KHDRBS1: variants seen among roughly 807,000 people sequenced by gnomAD.
KHDRBS1 encodes the protein KH RNA binding domain containing, signal transduction associated 1.
Under a neutral mutation model 48.4 loss-of-function variants are expected in KHDRBS1, and 7 were observed. That is an observed-to-expected ratio of 0.14 (90% CI 0.08 to 0.27). KHDRBS1 has a LOEUF of 0.27. Among genes scored for constraint, KHDRBS1 ranks in the 10% least tolerant of loss-of-function variants. KHDRBS1 has a pLI of 1.00. For missense variants in KHDRBS1, 458 were observed against 601.2 expected (o/e 0.76, Z 2.49); for synonymous variants, 241 against 235.8 (o/e 1.02, Z -0.20).
At chr1:32,038,521 T>C (rs764336429) in intron 6 of KHDRBS1, 31 bp from the exon 7 acceptor site, 4 of 1,607,898 alleles carry the variant, frequency 2.5e-6, no homozygotes, top group Non-Finnish European at 3.4e-6. Flanking sequence ...TTTTGATCTT[T>C]TATTTCATTT....
intron 1 of KHDRBS1, among the ~76,000 whole-genome samples, chr1:32,028,473 T>TACACGTATATATATATACTATATATAC (rs1553222639): frequency 6.7e-6 from 1 of 148,838 alleles, no homozygotes; most frequent in Non-Finnish European, 1.5e-5. Flanking sequence ...TATATATATA[T>TACACGTATATATATATACTATATATAC]ACACGTATAT....
intron 1 of KHDRBS1, among the ~76,000 whole-genome samples, chr1:32,023,347 G>T (rs555210829): frequency 6.6e-6 from 1 of 152,258 alleles, no homozygotes; most frequent in South Asian, 2.1e-4. Context: ...TTAGTTTTGA[G>T]ATCTTGGACA....
At chr1:32,015,053 GAAGT>G (rs1638709510) in intron 1 of KHDRBS1, among the ~76,000 whole-genome samples, 1 of 152,154 alleles carries the variant, frequency 6.6e-6, no homozygotes, top group Non-Finnish European at 1.5e-5. Flanking sequence ...TTGAAGGAGT[GAAGT>G]AACCCTAGAG....
At chr1:32,029,592 G>GGC (rs754558167) in intron 1 of KHDRBS1, among the ~76,000 whole-genome samples, 8 of 152,278 alleles carry the variant, frequency 5.3e-5, no homozygotes, top group Non-Finnish European at 1.0e-4. Flanking sequence ...AGGAGGCAGA[G>GGC]GTTGCAGTGA....
In KHDRBS1 at chr1:32,031,536, G is replaced by T; in HGVS notation, c.520G>T (p.Gly174Trp). Residue 174 changes from glycine (G) to tryptophan (W), a missense_variant, in exon 3 of 9, where the codon GGG (glycine) becomes TGG (tryptophan). By Grantham distance (184) the Gly-to-Trp change is radical. Around this residue, in one of 3 missense-constraint regions of KHDRBS1, gnomAD observed 74 missense variants for 156.9 expected, o/e 0.47. Transcript: ENST00000327300. ...TATTTTCTGTCAGTTCAATTTTGTG[G>T]GGAAGATTCTTGGACCACAAGGGAA... is the stretch of plus-strand genomic sequence containing the variant. ...VKQYPKFNFV[G>W]KILGPQGNTI... 2 of 1,594,758 alleles carry T rather than the reference G, an allele frequency of 1.3e-6. No individual in the cohort carries two copies. The highest frequency in any genetic ancestry group is 2.3e-5 in the South Asian group (2 of 87,848).
downstream of KHDRBS1, among the ~76,000 whole-genome samples, chr1:32,044,378 A>G (rs1639333187): frequency 1.3e-5 from 2 of 152,220 alleles, no homozygotes; most frequent in Admixed American, 6.5e-5. Flanking sequence ...AGAAATGCTG[A>G]TAACTCAGCT....
At chr1:32,023,859 T>C (rs1446143351) in intron 1 of KHDRBS1, among the ~76,000 whole-genome samples, 1 of 152,186 alleles carries the variant, frequency 6.6e-6, no homozygotes, top group African/African-American at 2.4e-5. Flanking sequence ...GGGTATAAAT[T>C]GTACTTAAAA....
In KHDRBS1 at chr1:32,014,127, C is replaced by G; in HGVS notation, c.132C>G (p.Ser44=). The change falls in exon 1 of 9, where the codon TCC becomes TCG. Residue 44 remains serine (S), a synonymous_variant. Transcript: ENST00000327300. Reference sequence around the variant, plus strand: ...GGCAGCCGCCGCTGCCTCACCGGTCCCGGGGAGGCGGAGGGGGATCCCGCG... The same window carrying G: ...GGCAGCCGCCGCTGCCTCACCGGTCGCGGGGAGGCGGAGGGGGATCCCGCG... ...PSRQPPLPHR[S]RGGGGGSRGG... is the part of the protein sequence containing the mutation. 7.3e-7 allele frequency: 1 copy of G among 1,371,534 alleles called. No homozygotes were observed. Among genetic ancestry groups the G allele is most frequent in the South Asian group, 1.7e-5 (1 of 58,462 alleles). The allele number at this position is 1,371,534 out of a possible 1,614,324, so 85.0% of individuals were successfully genotyped here.
chr1:32,053,066 T>C (rs1177378778), intron 10 of KHDRBS1, among the ~76,000 whole-genome samples: 2 of 152,086 alleles, frequency 1.3e-5, no homozygotes, highest in African/African-American at 4.8e-5. Context: ...GTCAGGAAGA[T>C]CTCTTGAGCC....
downstream of KHDRBS1, among the ~76,000 whole-genome samples, chr1:32,046,515 G>A (rs1457164978): frequency 6.6e-6 from 1 of 152,068 alleles, no homozygotes; most frequent in African/African-American, 2.4e-5. Context: ...ACACCCGGCT[G>A]GGAAAGGATA....
At chr1:32,041,131 C>T (rs1426630760) in intron 8 of KHDRBS1, among the ~76,000 whole-genome samples, 2 of 152,128 alleles carry the variant, frequency 1.3e-5, no homozygotes, top group Admixed American at 6.5e-5. Flanking sequence ...ACAGTTAATC[C>T]GTTCTGATCT....
intron 4 of KHDRBS1, among the ~76,000 whole-genome samples, chr1:32,033,905 A>C (rs140192472): frequency 1.3e-5 from 2 of 152,260 alleles, no homozygotes; most frequent in African/African-American, 4.8e-5. Flanking sequence ...CTTTTTTCAG[A>C]CTATTACTGA....
intron 10 of KHDRBS1, among the ~76,000 whole-genome samples, chr1:32,057,485 CTTTTTTTTTT>C (rs931055192): frequency 1.5e-5 from 2 of 132,538 alleles, no homozygotes; most frequent in Non-Finnish European, 3.3e-5. Context: ...TTCTTCTTTT[CTTTTTTTTTT>C]TTTTTTTTAA....
chr1:32,014,013 C>T lies in KHDRBS1; in HGVS notation c.18C>T (p.Asp6=). MQRRD[D]PAARMSRSSG... The stretch of plus-strand genomic sequence containing the variant: ...CCTCCCAGATGCAGCGCCGGGACGA[C>T]CCCGCCGCGCGCATGAGCCGGTCTT... The change falls in exon 1 of 9, where the codon GAC becomes GAT. Residue 6 remains aspartate, a synonymous_variant. Coordinates refer to ENST00000327300, the MANE Select transcript of KHDRBS1 (RefSeq NM_006559.3). The T allele has an allele frequency of 2.6e-6, 4 of 1,525,608 alleles. No homozygotes were observed. The highest frequency in any genetic ancestry group is 2.4e-5 in the South Asian group (2 of 83,108). 94.5% of individuals were successfully genotyped at this position (1,525,608 alleles called of 1,614,324 possible). A position where few individuals can be genotyped will look rare whatever the true frequency, so the allele number is the denominator to read the frequency against.
chr1:32,037,032 A>C lies in KHDRBS1; in HGVS notation c.894A>C (p.Pro298=). ...VRGRGAAPPP[P]PVPRGRGVGP... is the part of the protein sequence containing the mutation. ...GCCGGGGAGCTGCACCTCCTCCACCACCTGTTCCCAGGTAAAAATAATGGA... is the reference window on the plus strand; with the variant it reads ...GCCGGGGAGCTGCACCTCCTCCACCCCCTGTTCCCAGGTAAAAATAATGGA... Residue 298 remains proline, a synonymous_variant, in exon 5 of 9, where the codon CCA becomes CCC. Transcript: ENST00000327300. The C allele has an allele frequency of 6.2e-7, 1 of 1,613,508 alleles. No homozygotes were observed. The highest frequency in any genetic ancestry group is 8.5e-7 in the Non-Finnish European group (1 of 1,179,782).
chr1:32,021,808 G>A (rs990161762), intron 1 of KHDRBS1, among the ~76,000 whole-genome samples: 2 of 151,880 alleles, frequency 1.3e-5, no homozygotes, highest in East Asian at 1.9e-4. Flanking sequence ...GCGGCACCAC[G>A]CCTGGCTAAG....
intron 2 of KHDRBS1, among the ~76,000 whole-genome samples, chr1:32,030,987 G>A (rs1401358686): frequency 6.6e-5 from 10 of 152,130 alleles, no homozygotes; most frequent in Admixed American, 6.5e-4. Flanking sequence ...AGTGGCTCAT[G>A]CCTGTAATGC....
chr1:32,046,403 C>T (rs539338597), downstream of KHDRBS1, among the ~76,000 whole-genome samples: 9 of 152,126 alleles, frequency 5.9e-5, no homozygotes, highest in Middle Eastern at 3.4e-3. Flanking sequence ...TTAGTAGAGA[C>T]GAGGTTTCAC....
chr1:32,028,296 G>A (rs892313662), intron 1 of KHDRBS1, among the ~76,000 whole-genome samples: 1 of 151,758 alleles, frequency 6.6e-6, no homozygotes, highest in Non-Finnish European at 1.5e-5. Context: ...TCCCAGACTG[G>A]CTTTGAAGCC....
Sources: allele counts gnomAD v4.1 joint callset (sites outside exome capture counted in the v4.1 genomes callset), GRCh38; gene constraint gnomAD v4.1.1; regional missense constraint gnomAD v4.1.1; transcripts MANE v1.5; gene names NCBI Gene and HGNC (gene_info 2026-07-23, HGNC 2026-07-21).